PRKAA1: variants seen among roughly 807,000 people sequenced by gnomAD.
The protein encoded by PRKAA1 is protein kinase AMP-activated catalytic subunit alpha 1, also known as 5'-AMP-activated protein kinase catalytic subunit alpha-1.
A neutral mutation model predicts 56.9 loss-of-function variants in PRKAA1; 23 were observed. That is an observed-to-expected ratio of 0.40 (90% CI 0.29 to 0.57). The LOEUF (loss-of-function observed/expected upper bound fraction) is 0.57. Among genes scored for constraint, PRKAA1 ranks in the 20% least tolerant of loss-of-function variants. The pLI, the probability that PRKAA1 is intolerant of heterozygous loss-of-function variation, is 0.39. For synonymous variants in PRKAA1, 226 were observed against 227.0 expected, an observed-to-expected ratio of 1.00 and a Z score of 0.04; for missense variants, 413 against 679.7, an observed-to-expected ratio of 0.61 and a Z score of 4.36.
chr5:40,773,537 A>C (rs1743848147), intron 3 of PRKAA1, among the ~76,000 whole-genome samples: 1 of 152,220 alleles, frequency 6.6e-6, no homozygotes, highest in Admixed American at 6.5e-5. Flanking sequence ...GCAATAAAAC[A>C]GGCATATAAA....
At chr5:40,788,753 G>A (rs1744598992) in intron 1 of PRKAA1, among the ~76,000 whole-genome samples, 1 of 152,014 alleles carries the variant, frequency 6.6e-6, no homozygotes, top group Non-Finnish European at 1.5e-5. Flanking sequence ...CTTGAACCCG[G>A]GAGGCGGACG....
At chr5:40,778,071 T>C (rs1744099490) in intron 1 of PRKAA1, among the ~76,000 whole-genome samples, 1 of 151,250 alleles carries the variant, frequency 6.6e-6, no homozygotes, top group Admixed American at 6.6e-5. Flanking sequence ...CAAAACTCTG[T>C]CTCAAACAAA....
At position 40,764,572 on chromosome 5, in the gene PRKAA1, A is replaced by G; in HGVS notation, c.1377T>C (p.Ser459=). Residue 459 remains serine, a synonymous_variant, in exon 8 of 9, where the codon AGT becomes AGC. Transcript: ENST00000397128. ...TACTATCCACTTGGTATAACTGTAG[A>G]CTCATTTTGGAGTAAGTGCTTGTCA... ...NPVTSTYSKM[S]LQLYQVDSRT... 6.2e-7 allele frequency: 1 copy of G among 1,613,348 alleles called. No homozygotes were observed. The highest frequency in any genetic ancestry group is 1.3e-5 in the African/African-American group (1 of 75,032).
intron 1 of PRKAA1, among the ~76,000 whole-genome samples, chr5:40,797,739 C>T (rs1739842040): frequency 6.6e-6 from 1 of 152,222 alleles, no homozygotes; most frequent in Admixed American, 6.5e-5. Context: ...CCTCCCAGCA[C>T]CCAGAGCGCG....
At chr5:40,763,390 TG>T (rs1476053898) in intron 8 of PRKAA1, among the ~76,000 whole-genome samples, 8 of 152,224 alleles carry the variant, frequency 5.3e-5, no homozygotes, top group African/African-American at 1.9e-4. Flanking sequence ...GAGGGTATAC[TG>T]GAAACCATCT....
In PRKAA1 at chr5:40,764,983, A is replaced by C. The variant is rs1351762701; in HGVS notation, c.1077T>G (p.Asp359Glu). 6.2e-7 allele frequency: 1 copy of C among 1,614,208 alleles called. No homozygotes were observed. The highest frequency in any genetic ancestry group is 1.7e-5 in the Admixed American group (1 of 60,020). ...TCAGGTGATGATCATCAAGAAAAGA[A>C]TCAGGTGGGCTTGTCGCCAAATAGA... ...KDFYLATSPP[D>E]SFLDDHHLTR... Residue 359 changes from aspartate (D) to glutamate (E), a missense_variant, in exon 7 of 9, where the codon GAT becomes GAG. Coordinates refer to ENST00000397128, the MANE Select transcript of PRKAA1 (RefSeq NM_006251.6).
In PRKAA1 at chr5:40,762,987, G is replaced by C. The variant is rs780136282; in HGVS notation, c.1471C>G (p.Pro491Ala). The C allele has an allele frequency of 1.2e-6, 2 of 1,614,120 alleles. No homozygotes were observed. Among genetic ancestry groups the C allele is most frequent in the Non-Finnish European group, 1.7e-6 (2 of 1,179,984 alleles). The change falls in exon 9 of 9, where the codon CCA becomes GCA. Residue 491 changes from proline (P) to alanine (A), a missense_variant. Pro to Ala is a conservative substitution (Grantham distance 27). Around this residue, in one of 9 missense-constraint regions of PRKAA1, gnomAD observed 139 missense variants for 171.5 expected, o/e 0.81. Coordinates refer to ENST00000397128, the MANE Select transcript of PRKAA1 (RefSeq NM_006251.6). ...TTGCTAACTGATCCCGATCTCTGTG[G>C]AGTAGCAGTCCCTGATTTGGCTTCT... ...ITEAKSGTAT[P>A]QRSGSVSNYR...
intron 1 of PRKAA1, among the ~76,000 whole-genome samples, chr5:40,788,749 C>T (rs765338675): frequency 2.0e-5 from 3 of 152,036 alleles, no homozygotes; most frequent in Non-Finnish European, 2.9e-5. Context: ...ATCGCTTGAA[C>T]CCGGGAGGCG....
chr5:40,797,914 C>T (rs888335091), intron 1 of PRKAA1, 149 bp downstream of exon 1: 24 of 1,336,368 alleles, frequency 1.8e-5, no homozygotes, highest in African/African-American at 9.2e-5. Context: ...CCCGCGGCGG[C>T]TGGGGAGAGC....
rs377734740 is a variant in PRKAA1 at position 40,767,424 on chromosome 5, T to C, written c.821+42A>G. The C allele has an allele frequency of 2.0e-4, 293 of 1,502,018 alleles. 1 individual carries two copies. The highest frequency in any genetic ancestry group is 2.3e-4 in the Non-Finnish European group (252 of 1,094,234). 93.0% of individuals were successfully genotyped at this position (1,502,018 alleles called of 1,614,324 possible). On this transcript the variant is annotated intron_variant, in intron 6 of 8. Coordinates refer to ENST00000397128, the MANE Select transcript of PRKAA1 (RefSeq NM_006251.6). Reference sequence around the variant, plus strand: ...TTTTTTTTTCACATAACTTTTATCATGGATACTATCAGATCTGATAACTTC... The same window carrying C: ...TTTTTTTTTCACATAACTTTTATCACGGATACTATCAGATCTGATAACTTC...
rs774965044 is a variant in PRKAA1, at chr5:40,762,430, T to C, written c.*348A>G. 4 of 187,936 alleles carry C rather than the reference T, an allele frequency of 2.1e-5. No homozygotes were observed. Among genetic ancestry groups the C allele is most frequent in the Non-Finnish European group, 4.5e-5 (4 of 88,920 alleles). 11.6% of individuals were successfully genotyped at this position (187,936 alleles called of 1,614,324 possible). ...ATTTATTGAATAAATTTATAACACG[T>C]AATATATAACACGTAATAATATATG... On this transcript the variant is annotated 3_prime_UTR_variant, in exon 9 of 9. Coordinates refer to ENST00000397128, the MANE Select transcript of PRKAA1 (RefSeq NM_006251.6).
chr5:40,797,823 C>A (rs1016810062), intron 1 of PRKAA1, among the ~76,000 whole-genome samples: 2 of 152,144 alleles, frequency 1.3e-5, no homozygotes, highest in Non-Finnish European at 2.9e-5. Context: ...ACCAGCCCCT[C>A]AGGCCGCGGC....
chr5:40,778,577 A>C (rs1227956244), intron 1 of PRKAA1, among the ~76,000 whole-genome samples: 1 of 152,060 alleles, frequency 6.6e-6, no homozygotes, highest in Non-Finnish European at 1.5e-5. Context: ...ATTTATATGG[A>C]TATTAAAACA....
intron 4 of PRKAA1, 74 bp downstream of exon 4, chr5:40,771,645 G>T: frequency 7.0e-7 from 1 of 1,425,098 alleles, no homozygotes. Flanking sequence ...GTTATCTGAA[G>T]AATTCTAGGT....
intron 2 of PRKAA1, among the ~76,000 whole-genome samples, chr5:40,776,546 TA>T (rs1237816590): frequency 6.6e-6 from 1 of 152,072 alleles, no homozygotes; most frequent in Non-Finnish European, 1.5e-5. Flanking sequence ...TGAGAAGAGG[TA>T]AGAGTGAAAC....
rs1579703033 is a variant in PRKAA1, at chr5:40,760,545, G to A, written c.*2233C>T. On this transcript the variant is annotated 3_prime_UTR_variant, in exon 9 of 9. Transcript: ENST00000397128. Reference sequence around the variant, plus strand: ...ATTATGCTGCACTTAGAGACCCTAAGTAAAATTAGAATCCCCTAAAGAGAG... The same window carrying A: ...ATTATGCTGCACTTAGAGACCCTAAATAAAATTAGAATCCCCTAAAGAGAG... 1 of 152,756 alleles carries A rather than the reference G, an allele frequency of 6.5e-6. No homozygotes were observed. The highest frequency in any genetic ancestry group is 1.9e-4 in the East Asian group (1 of 5,322). 9.5% of individuals were successfully genotyped at this position (152,756 alleles called of 1,614,324 possible). A position where few individuals can be genotyped will look rare whatever the true frequency, so the allele number is the denominator to read the frequency against.
rs141253847 is a variant in PRKAA1, at chr5:40,764,889, C to T, written c.1171G>A (p.Glu391Lys). Residue 391 changes from glutamate (E) to lysine (K), a missense_variant, in exon 7 of 9, where the codon GAA (glutamate) becomes AAA (lysine). Around this residue, in one of 9 missense-constraint regions of PRKAA1, gnomAD observed 50 missense variants for 87.7 expected, o/e 0.57. Transcript: ENST00000397128. ...ETPRARHTLD[E>K]LNPQKSKHQG... is the part of the protein sequence containing the mutation. Reference sequence around the variant, plus strand: ...TGTTTGGATTTCTGTGGATTTAATTCATCAAGGGTATGGCGTGCCCTTGGT... The same window carrying T: ...TGTTTGGATTTCTGTGGATTTAATTTATCAAGGGTATGGCGTGCCCTTGGT... The T allele has an allele frequency of 2.5e-6, 4 of 1,614,142 alleles. No homozygotes were observed. Among genetic ancestry groups the T allele is most frequent in the South Asian group, 1.1e-5 (1 of 91,068 alleles).
chr5:40,765,742 A>C (rs1464505389), intron 6 of PRKAA1, among the ~76,000 whole-genome samples: 1 of 76,474 alleles, frequency 1.3e-5, no homozygotes, highest in Middle Eastern at 5.1e-3. Flanking sequence ...TAAATGAAGG[A>C]ATTGAGGTTA....
At chr5:40,789,222 T>TA (rs1158404903) in intron 1 of PRKAA1, among the ~76,000 whole-genome samples, 4 of 147,870 alleles carry the variant, frequency 2.7e-5, no homozygotes, top group East Asian at 2.0e-4. Flanking sequence ...AAAATAAAAA[T>TA]AAAAAAAAAG....
Sources: gnomAD v4.1 joint callset for allele counts (sites outside exome capture counted in the v4.1 genomes callset) on GRCh38, gnomAD v4.1.1 for gene constraint, gnomAD v4.1.1 regional missense constraint, MANE v1.5 for transcripts, NCBI Gene and HGNC (gene_info 2026-07-23, HGNC 2026-07-21) for gene names.